The following NOS1 variants were observed in gnomAD, a reference collection of about 807,000 sequenced individuals.
The protein encoded by NOS1 is nitric oxide synthase 1, also known as NOS type I.
Under a neutral mutation model 164.5 loss-of-function variants are expected in NOS1, and 51 were observed. The ratio of observed to expected loss-of-function variants is 0.31; its 90% CI spans 0.25 to 0.39. The LOEUF is 0.39. NOS1 is among the 10% of genes least tolerant of loss of function. The probability of loss-of-function intolerance (pLI) is 1.00; values close to 1 mark genes in which losing one functional copy is unlikely to be tolerated. For missense variants in NOS1, 1,362 were observed against 1,885.6 expected (o/e 0.72, Z 5.14); for synonymous variants, 719 against 745.8 (o/e 0.96, Z 0.59).
intron 20 of NOS1, among the ~76,000 whole-genome samples, chr12:117,239,713 T>TC (rs1272763940): frequency 2.8e-5 from 4 of 141,452 alleles, no homozygotes; most frequent in South Asian, 2.1e-4. Context: ...TTCTTCTTCT[T>TC]TTTTTTTTTT....
In NOS1 at chr12:117,209,263, G is replaced by T; in HGVS notation, c.*6046C>A. ...TTGGGCAATGTCTGATGACATACTTGATTGTTACCGTTGGCAGGACACTGC... is the reference window on the plus strand; with the variant it reads ...TTGGGCAATGTCTGATGACATACTTTATTGTTACCGTTGGCAGGACACTGC... On this transcript the variant is annotated 3_prime_UTR_variant, in exon 29 of 29. Transcript: ENST00000317775. The T allele has an allele frequency of 1.0e-6, 1 of 974,692 alleles. No individual in the cohort carries two copies. The highest frequency in any genetic ancestry group is 1.2e-6 in the Non-Finnish European group (1 of 820,064). The allele number at this position is 974,692 out of a possible 1,614,324, so 60.4% of individuals were successfully genotyped here. A position where few individuals can be genotyped will look rare whatever the true frequency, so the allele number is the denominator to read the frequency against.
intron 16 of NOS1, among the ~76,000 whole-genome samples, chr12:117,256,263 G>A (rs1158780828): frequency 4.3e-5 from 6 of 138,016 alleles, no homozygotes; most frequent in Non-Finnish European, 7.6e-5. Context: ...TCTGCACAAA[G>A]AAAATCAGAA....
At chr12:117,278,171 G>C in intron 8 of NOS1, 73 bp from the exon 9 acceptor site, 1 of 1,481,194 alleles carries the variant, frequency 6.8e-7, no homozygotes. Flanking sequence ...GTGGGAAGCG[G>C]GGGTGGGGTG....
At chr12:117,264,931 T>C (rs904790879) in intron 12 of NOS1, among the ~76,000 whole-genome samples, 16 of 151,892 alleles carry the variant, frequency 1.1e-4, no homozygotes, top group Non-Finnish European at 2.1e-4. Flanking sequence ...CTCGAACTCC[T>C]GACTCAGGTG....
chr12:117,251,117 G>C (rs1020469360), intron 17 of NOS1, among the ~76,000 whole-genome samples: 10 of 152,252 alleles, frequency 6.6e-5, no homozygotes, highest in Non-Finnish European at 1.5e-4. Flanking sequence ...GGGCTGAAGA[G>C]ATCAGAGTTC....
chr12:117,355,319 T>TA (rs1228090198), intron 1 of NOS1, among the ~76,000 whole-genome samples: 3 of 152,230 alleles, frequency 2.0e-5, no homozygotes, highest in Non-Finnish European at 4.4e-5. Flanking sequence ...TAGGGCCACC[T>TA]TTCTCTTAGG....
At chr12:117,287,078 G>T (rs1335148416) in intron 5 of NOS1, among the ~76,000 whole-genome samples, 1 of 152,042 alleles carries the variant, frequency 6.6e-6, no homozygotes, top group Non-Finnish European at 1.5e-5. Context: ...AGCTGGGTGT[G>T]GTGGTGCGTG....
At chr12:117,321,419 C>T (rs1593020561) in intron 2 of NOS1, among the ~76,000 whole-genome samples, 1 of 152,144 alleles carries the variant, frequency 6.6e-6, no homozygotes, top group African/African-American at 2.4e-5. Context: ...GCTCATGGAA[C>T]ATTCATTCCA....
intron 11 of NOS1, among the ~76,000 whole-genome samples, chr12:117,266,892 C>T (rs1213412741): frequency 6.6e-6 from 1 of 152,172 alleles, no homozygotes; most frequent in Non-Finnish European, 1.5e-5. Context: ...TGACAGACTT[C>T]ATACCAGTCC....
intron 4 of NOS1, among the ~76,000 whole-genome samples, chr12:117,288,992 C>T (rs1872881510): frequency 6.6e-6 from 1 of 152,092 alleles, no homozygotes; most frequent in Non-Finnish European, 1.5e-5. Context: ...ACTGATCTAC[C>T]CAGCCAATCC....
chr12:117,208,423 G>T lies in NOS1; in HGVS notation c.*6886C>A, dbSNP rs1592910658. 2.4e-6 allele frequency: 2 copies of T among 830,926 alleles called. No homozygotes were observed. Among genetic ancestry groups the T allele is most frequent in the Non-Finnish European group, 2.9e-6 (2 of 698,704 alleles). The allele number at this position is 830,926 out of a possible 1,614,324, so 51.5% of individuals were successfully genotyped here. A position where few individuals can be genotyped will look rare whatever the true frequency, so the allele number is the denominator to read the frequency against. ...GTGTGTGTGTGTGTGTGTGTGTGTG[G>T]TGAGATGCGACCAGGTCTGCCCACC... On this transcript the variant is annotated 3_prime_UTR_variant, in exon 29 of 29. Transcript: ENST00000317775.
chr12:117,224,310 G>T (rs1566026029), intron 25 of NOS1, among the ~76,000 whole-genome samples: 3 of 151,866 alleles, frequency 2.0e-5, no homozygotes, highest in Admixed American at 6.6e-5. Context: ...TTCTCAGACG[G>T]AGTCTCACTC....
chr12:117,255,896 C>G (rs970716517), intron 16 of NOS1: 8 of 1,287,740 alleles, frequency 6.2e-6, no homozygotes, highest in Non-Finnish European at 8.4e-6. Context: ...TGCATGCATA[C>G]ACTCGCACAC....
chr12:117,281,388 C>T (rs6490122), intron 7 of NOS1, among the ~76,000 whole-genome samples: 49,640 of 151,398 alleles, frequency 0.33, 8,391 homozygotes, highest in Middle Eastern at 0.4. Flanking sequence ...GGTGTGGTGG[C>T]GCACGCCTGT....
At chr12:117,290,796 T>C (rs892557657) in intron 3 of NOS1, among the ~76,000 whole-genome samples, 5 of 152,150 alleles carry the variant, frequency 3.3e-5, no homozygotes, top group Non-Finnish European at 5.9e-5. Context: ...TGAATGATAA[T>C]AGCCCCCAGC....
At chr12:117,310,083 T>A (rs35285730) in intron 3 of NOS1, among the ~76,000 whole-genome samples, 20,655 of 151,670 alleles carry the variant, frequency 0.14, 1,621 homozygotes, top group East Asian at 0.26. Context: ...ATTTTTGTTA[T>A]TTTTTTTAGA....
chr12:117,257,607 C>CT (rs151304592), intron 16 of NOS1, among the ~76,000 whole-genome samples: 1,309 of 99,058 alleles, frequency 0.013, 8 homozygotes, highest in Non-Finnish European at 0.016. Flanking sequence ...TTGATTTTAG[C>CT]TTTTTTTTTT....
intron 13 of NOS1, among the ~76,000 whole-genome samples, chr12:117,263,652 C>T (rs556644499): frequency 6.6e-6 from 1 of 150,848 alleles, no homozygotes; most frequent in African/African-American, 2.4e-5. Flanking sequence ...ACACCATTGC[C>T]CCCAGGACAA....
At chr12:117,316,050 T>A (rs1874652346) in intron 2 of NOS1, among the ~76,000 whole-genome samples, 1 of 152,220 alleles carries the variant, frequency 6.6e-6, no homozygotes, top group Admixed American at 6.5e-5. Context: ...ATTGAGCATT[T>A]GAAATGTGGT....
Sources: gnomAD v4.1 joint callset for allele counts (sites outside exome capture counted in the v4.1 genomes callset) on GRCh38, gnomAD v4.1.1 for gene constraint, MANE v1.5 for transcripts, NCBI Gene and HGNC (gene_info 2026-07-23, HGNC 2026-07-21) for gene names.